The following PHF21A variants were observed in gnomAD, a reference collection of about 807,000 sequenced individuals.
The protein encoded by PHF21A is PHD finger protein 21A, also known as BHC80a.
Under a neutral mutation model 82.5 loss-of-function variants are expected in PHF21A, and 11 were observed. The ratio of observed to expected loss-of-function variants is 0.13; its 90% CI spans 0.08 to 0.22. The LOEUF (loss-of-function observed/expected upper bound fraction) is 0.22, where lower values mean the gene tolerates loss of function less well. Ranked by LOEUF, PHF21A falls within the 10% of genes least tolerant of loss-of-function variation. The pLI is 1.00. For missense variants in PHF21A, 579 were observed against 837.8 expected, an observed-to-expected ratio of 0.69 and a Z score of 3.81; for synonymous variants, 297 against 302.8, an observed-to-expected ratio of 0.98 and a Z score of 0.20.
chr11:46,068,225 T>A (rs12365345), intron 6 of PHF21A, among the ~76,000 whole-genome samples: 1 of 152,062 alleles, frequency 6.6e-6, no homozygotes, highest in Non-Finnish European at 1.5e-5. Flanking sequence ...GCATCCTCCA[T>A]GGGCCTAGTA....
At chr11:46,043,286 A>T (rs1377333872) in intron 6 of PHF21A, among the ~76,000 whole-genome samples, 2 of 152,180 alleles carry the variant, frequency 1.3e-5, no homozygotes, top group African/African-American at 4.8e-5. Context: ...ATCATGTCCA[A>T]ATAGAAAAAT....
At chr11:46,073,573 A>C (rs1229837823) in intron 6 of PHF21A, among the ~76,000 whole-genome samples, 1 of 152,224 alleles carries the variant, frequency 6.6e-6, no homozygotes, top group African/African-American at 2.4e-5. Flanking sequence ...CTGTAAACTT[A>C]ACCACCTTCC....
chr11:45,952,916 A>G (rs1158559703), intron 11 of PHF21A, among the ~76,000 whole-genome samples: 1 of 152,384 alleles, frequency 6.6e-6, no homozygotes, highest in Non-Finnish European at 1.5e-5. Context: ...AAGGACATAC[A>G]GATTCACATT....
At chr11:46,028,728 C>T (rs2095804177) in intron 6 of PHF21A, among the ~76,000 whole-genome samples, 2 of 152,054 alleles carry the variant, frequency 1.3e-5, no homozygotes, top group Admixed American at 1.3e-4. Context: ...CGCCCGCCAC[C>T]ACGCCCAGCT....
intron 6 of PHF21A, among the ~76,000 whole-genome samples, chr11:45,985,164 A>T (rs1247909002): frequency 6.6e-6 from 1 of 152,204 alleles, no homozygotes; most frequent in Non-Finnish European, 1.5e-5. Flanking sequence ...TTACTCAAAG[A>T]GGAAAAAAAA....
intron 6 of PHF21A, among the ~76,000 whole-genome samples, chr11:45,985,256 G>A (rs570186479): frequency 6.6e-6 from 1 of 152,326 alleles, no homozygotes; most frequent in East Asian, 1.9e-4. Flanking sequence ...ATGCAGGAAG[G>A]AGACAGGGCA....
At chr11:45,949,656 T>G (rs2091843083) in intron 12 of PHF21A, among the ~76,000 whole-genome samples, 175 bp from the exon 13 acceptor site, 1 of 152,224 alleles carries the variant, frequency 6.6e-6, no homozygotes, top group Non-Finnish European at 1.5e-5. Context: ...TGTAGGACCA[T>G]CTACTCTCAC....
At chr11:45,953,918 C>T (rs1004952153) in intron 10 of PHF21A, among the ~76,000 whole-genome samples, 25 of 152,244 alleles carry the variant, frequency 1.6e-4, no homozygotes, top group South Asian at 8.3e-4. Flanking sequence ...TATAGAAATA[C>T]GGTACAGGTT....
intron 6 of PHF21A, among the ~76,000 whole-genome samples, chr11:46,027,774 A>G (rs1379337924): frequency 6.6e-6 from 1 of 152,220 alleles, no homozygotes; most frequent in Non-Finnish European, 1.5e-5. Flanking sequence ...CTGTTAAACA[A>G]TGATTTATAT....
chr11:45,937,539 G>A (rs1404899194), intron 16 of PHF21A, among the ~76,000 whole-genome samples: 2 of 152,202 alleles, frequency 1.3e-5, no homozygotes, highest in Non-Finnish European at 2.9e-5. Context: ...GGAGTGCAGT[G>A]GTGTGACCTC....
At chr11:46,059,217 TA>T (rs1180414635) in intron 6 of PHF21A, among the ~76,000 whole-genome samples, 1 of 152,076 alleles carries the variant, frequency 6.6e-6, no homozygotes, top group Non-Finnish European at 1.5e-5. Context: ...CATACAACAG[TA>T]AAAAACTGGG....
intron 1 of PHF21A, among the ~76,000 whole-genome samples, chr11:46,092,456 G>A (rs768443735): frequency 2.7e-4 from 41 of 152,244 alleles, no homozygotes; most frequent in Non-Finnish European, 1.3e-4. Flanking sequence ...TTCAAGACAA[G>A]CAAAAGTAAG....
At chr11:46,084,533 T>C (rs1286156572) in intron 3 of PHF21A, among the ~76,000 whole-genome samples, 1 of 152,158 alleles carries the variant, frequency 6.6e-6, no homozygotes. Context: ...CATGGAAACA[T>C]CTAAGCACCC....
chr11:46,004,307 C>T (rs1305741290), intron 6 of PHF21A, among the ~76,000 whole-genome samples: 3 of 152,110 alleles, frequency 2.0e-5, no homozygotes, highest in African/African-American at 7.2e-5. Context: ...AATGGTCTGA[C>T]ATCACAGATG....
intron 16 of PHF21A, among the ~76,000 whole-genome samples, chr11:45,937,148 C>T (rs1158313905): frequency 1.3e-5 from 2 of 152,170 alleles, no homozygotes; most frequent in East Asian, 3.8e-4. Flanking sequence ...GACAATATTA[C>T]AAGGGAAAAC....
intron 6 of PHF21A, among the ~76,000 whole-genome samples, chr11:46,045,742 T>G (rs2096247020): frequency 6.6e-6 from 1 of 152,160 alleles, no homozygotes; most frequent in South Asian, 2.1e-4. Flanking sequence ...GTTACTAGAC[T>G]TTTTGGAAGC....
At chr11:46,048,217 T>C (rs2096285264) in intron 6 of PHF21A, among the ~76,000 whole-genome samples, 1 of 152,084 alleles carries the variant, frequency 6.6e-6, no homozygotes. Context: ...TCCAGGGAGG[T>C]GCATATTCTA....
chr11:46,119,616 T>A (rs1020061870), intron 1 of PHF21A: 1 of 152,108 alleles, frequency 6.6e-6, no homozygotes, highest in African/African-American at 2.4e-5. Flanking sequence ...GCCTGTGGCC[T>A]TCTCCGGGGG....
rs1289795002 is a variant in PHF21A at position 45,958,497 on chromosome 11, G to A, written c.997-4872C>T. ...ATATATTAGCCAGGCATGGTGGTGCGCAACTGTAGTCCCAGCTACTTGGGA... is the reference window on the plus strand; with the variant it reads ...ATATATTAGCCAGGCATGGTGGTGCACAACTGTAGTCCCAGCTACTTGGGA... On this transcript the variant is annotated intron_variant, in intron 10 of 18. Transcript: ENST00000676320. Among the ~76,000 whole-genome samples, 9 of 135,214 alleles carry A rather than the reference G, an allele frequency of 6.7e-5. No homozygotes were observed. In the East Asian group the frequency reaches 1.5e-3, roughly 23 times the overall value. 88.7% of individuals were successfully genotyped at this position (135,214 alleles called of 152,430 possible).
Sources: allele counts gnomAD v4.1 joint callset (sites outside exome capture counted in the v4.1 genomes callset), GRCh38; gene constraint gnomAD v4.1.1; transcripts MANE v1.5; gene names NCBI Gene and HGNC (gene_info 2026-07-23, HGNC 2026-07-21).